KIF21B: variants seen among roughly 807,000 people sequenced by gnomAD.
KIF21B encodes the protein kinesin family member 21B.
Under a neutral mutation model 192.9 loss-of-function variants are expected in KIF21B, and 85 were observed. That is an observed-to-expected ratio of 0.44 (90% CI 0.37 to 0.53). The LOEUF (loss-of-function observed/expected upper bound fraction) is 0.53. Among genes scored for constraint, KIF21B ranks in the 20% least tolerant of loss-of-function variants. KIF21B has a pLI of 0.00. For missense variants in KIF21B, 1,716 were observed against 2,194.8 expected (o/e 0.78, Z 4.36); for synonymous variants, 832 against 884.6 (o/e 0.94, Z 1.05).
rs1184179669 is a variant in KIF21B at position 201,003,579 on chromosome 1, T to C, written c.1212+7A>G. On this transcript the variant is annotated splice_region_variant and intron_variant, in intron 8 of 34. Coordinates refer to ENST00000461742, the MANE Select transcript of KIF21B (RefSeq NM_001252102.2). ...GAGTGCTGGGCAATGCCCAGGAGCA[T>C]GCTCACCGCCTTATACTCCATCAGC... 6.2e-7 allele frequency: 1 copy of C among 1,613,214 alleles called. No homozygotes were observed. The highest frequency in any genetic ancestry group is 1.7e-5 in the Admixed American group (1 of 60,028).
rs747201044 is a variant in KIF21B, at chr1:201,008,942, C to T, written c.274G>A (p.Gly92Arg). The change falls in exon 3 of 35, where the codon GGG becomes AGG. Residue 92 changes from glycine (G) to arginine (R), a missense_variant. By Grantham distance (125) the Gly-to-Arg change is moderately radical. This residue lies in a region of KIF21B where 1,087 missense variants were observed against 1,316.6 expected (regional missense o/e 0.83). Coordinates refer to ENST00000461742, the MANE Select transcript of KIF21B (RefSeq NM_001252102.2). ...TVLAYGQTGAGKTYTMGTGFD... is the reference protein window; with the variant it reads ...TVLAYGQTGARKTYTMGTGFD... Reference sequence around the variant, plus strand: ...CCAGTGCCCATGGTGTACGTCTTCCCGGCCCCCGTCTGCATTGGCAAAGAT... The same window carrying T: ...CCAGTGCCCATGGTGTACGTCTTCCTGGCCCCCGTCTGCATTGGCAAAGAT... 1.9e-6 allele frequency: 3 copies of T among 1,608,972 alleles called. No individual in the cohort carries two copies. The highest frequency in any genetic ancestry group is 1.7e-6 in the Non-Finnish European group (2 of 1,179,362).
chr1:201,002,404 G>T (rs1005572168), intron 8 of KIF21B, 54 bp from the exon 9 acceptor site: 91 of 1,534,168 alleles, frequency 5.9e-5, no homozygotes, highest in Non-Finnish European at 1.3e-5. Context: ...CGGTTGGGGG[G>T]GTAAGGGGCT....
chr1:200,977,087 A>C, intron 31 of KIF21B, 125 bp downstream of exon 31: 1 of 1,182,960 alleles, frequency 8.5e-7, no homozygotes. Context: ...CAGGCCCAGC[A>C]GCATGGGGGG....
intron 24 of KIF21B, 30 bp from the exon 25 acceptor site, chr1:200,987,231 T>A (rs1382517673): frequency 8.2e-6 from 13 of 1,579,342 alleles, no homozygotes; most frequent in Non-Finnish European, 1.1e-5. Context: ...GTGGATCAAC[T>A]TGCCCAAATT....
At position 200,975,027 on chromosome 1, in the gene KIF21B, G is replaced by T; in HGVS notation, c.4615-114C>A. On this transcript the variant is annotated intron_variant, in intron 33 of 34. Transcript: ENST00000461742. This position sits in a 1 kb window ranked among gnomAD's most constrained non-coding sequence, Gnocchi z 4.3. The stretch of plus-strand genomic sequence containing the variant: ...CTTCCAGGCTCCCCTGGCCTCTAGA[G>T]CTGCCACACGGGCGGGTGACACTGG... 9.4e-7 allele frequency: 1 copy of T among 1,067,672 alleles called. No individual in the cohort carries two copies. Among genetic ancestry groups the T allele is most frequent in the Non-Finnish European group, 1.4e-6 (1 of 729,560 alleles). 66.1% of individuals were successfully genotyped at this position (1,067,672 alleles called of 1,614,324 possible).
intron 17 of KIF21B, 79 bp from the exon 18 acceptor site, chr1:200,991,228 C>T (rs975673999): frequency 2.6e-5 from 30 of 1,160,626 alleles, no homozygotes; most frequent in South Asian, 5.4e-5. Context: ...GTTGGGGTGC[C>T]GGGCAGCAGG....
chr1:201,005,317 C>T lies in KIF21B; in HGVS notation c.723G>A (p.Gln241=), dbSNP rs1401149309. ...CCTGCAGGCTCCTCACCAGGTCGGG[C>T]TGGGTGCACATGCGCATCTGGCACA... is the stretch of plus-strand genomic sequence containing the variant. The part of the protein sequence containing the change: ...IHLCQMRMCT[Q]PDLVNEAVTG... Residue 241 remains glutamine, a synonymous_variant, in exon 5 of 35, where the codon CAG becomes CAA. Transcript: ENST00000461742. 1 of 1,602,016 alleles carries T rather than the reference C, an allele frequency of 6.2e-7. No individual in the cohort carries two copies. The highest frequency in any genetic ancestry group is 1.7e-5 in the Admixed American group (1 of 58,984).
At chr1:201,014,689 T>A (rs975307868) in intron 1 of KIF21B, among the ~76,000 whole-genome samples, 1 of 152,192 alleles carries the variant, frequency 6.6e-6, no homozygotes, top group African/African-American at 2.4e-5. Context: ...TTGGCTCAGC[T>A]TCTTAGGTGA....
chr1:201,007,846 G>A (rs538887602), intron 3 of KIF21B, among the ~76,000 whole-genome samples: 2 of 151,602 alleles, frequency 1.3e-5, no homozygotes, highest in Non-Finnish European at 2.9e-5. Flanking sequence ...CAGACATACA[G>A]ACAGATGACA....
chr1:201,010,425 C>T (rs1658165611), intron 1 of KIF21B, among the ~76,000 whole-genome samples: 1 of 152,122 alleles, frequency 6.6e-6, no homozygotes, highest in Non-Finnish European at 1.5e-5. Flanking sequence ...CAACTATCTC[C>T]ATCCAGCCAC....
chr1:200,994,812 T>C (rs1656943975), intron 15 of KIF21B, among the ~76,000 whole-genome samples: 1 of 152,170 alleles, frequency 6.6e-6, no homozygotes, highest in South Asian at 2.1e-4. Context: ...TTGGGAGTGC[T>C]GCTCCACCCC....
chr1:201,016,606 G>A lies in KIF21B; in HGVS notation c.41+6737C>T, dbSNP rs1232184754. 3.3e-5 allele frequency among the ~76,000 whole-genome samples: 5 copies of A among 152,314 alleles called. No individual in the cohort carries two copies. In the South Asian group the frequency reaches 8.3e-4, roughly 25 times the overall value. ...CCCAGACAAAGCATCTTCCCATAGA[G>A]ACCAGTCTTCTATAAAACAGGGTGG... On this transcript the variant is annotated intron_variant, in intron 1 of 34. Transcript: ENST00000461742.
At position 201,000,665 on chromosome 1, in the gene KIF21B, A is replaced by T; in HGVS notation, c.1466+52T>A. On this transcript the variant is annotated intron_variant, in intron 10 of 34. Transcript: ENST00000461742. The surrounding 1 kb of genome is among the most constrained non-coding windows in gnomAD (Gnocchi z 6.0). ...GTGAGCTGCCACAGCCCTTGGCGTC[A>T]CCTGGCCGAGGCCCCCAGCCCGCGC... is the stretch of plus-strand genomic sequence containing the variant. 6.2e-7 allele frequency: 1 copy of T among 1,613,320 alleles called. No homozygotes were observed. Among genetic ancestry groups the T allele is most frequent in the Non-Finnish European group, 8.5e-7 (1 of 1,179,516 alleles).
chr1:201,015,941 C>T (rs906575975), intron 1 of KIF21B, among the ~76,000 whole-genome samples: 8 of 152,194 alleles, frequency 5.3e-5, no homozygotes, highest in African/African-American at 1.4e-4. Context: ...CCTTGTTCTA[C>T]GTGTTCTTCA....
chr1:200,995,752 TG>T (rs1269271801), intron 15 of KIF21B, among the ~76,000 whole-genome samples: 1 of 152,202 alleles, frequency 6.6e-6, no homozygotes, highest in Non-Finnish European at 1.5e-5. Context: ...ATCATGCGTG[TG>T]AGATGACTAG....
Position 200,971,108 on chromosome 1 carries a change from G to A in KIF21B, c.*2413C>T, listed in dbSNP as rs572438210. 6.5e-6 allele frequency: 1 copy of A among 152,950 alleles called. No individual in the cohort carries two copies. Among genetic ancestry groups the A allele is most frequent in the East Asian group, 1.9e-4 (1 of 5,326 alleles). The allele number at this position is 152,950 out of a possible 1,614,324, so 9.5% of individuals were successfully genotyped here. A position where few individuals can be genotyped will look rare whatever the true frequency, so the allele number is the denominator to read the frequency against. On this transcript the variant is annotated 3_prime_UTR_variant, in exon 35 of 35. Coordinates refer to ENST00000461742, the MANE Select transcript of KIF21B (RefSeq NM_001252102.2). ...ATTTTGTGCTTCCAACATTTAGGGT[G>A]CTTGTGCAGTGAGTGGAGCTGGGGG... is the stretch of plus-strand genomic sequence containing the variant.
rs763756658 is a variant in KIF21B at position 200,987,115 on chromosome 1, G to T, written c.3495C>A (p.Thr1165=). 1.3e-5 allele frequency: 21 copies of T among 1,613,940 alleles called. No homozygotes were observed. In the Admixed American group the frequency reaches 3.3e-4, roughly 26 times the overall value. The change falls in exon 25 of 35, where the codon ACC becomes ACA. Residue 1165 remains threonine (T), a synonymous_variant. Transcript: ENST00000461742. ...TCTCAACGAGGGAGGCCAGGGACTT[G>T]GTGATGTTCTTGGTGGAGATATCCA... ...PPLDISTKNI[T]KSLASLVEIK...
At chr1:200,992,790 A>C (rs1656790866) in intron 15 of KIF21B, among the ~76,000 whole-genome samples, 1 of 152,246 alleles carries the variant, frequency 6.6e-6, no homozygotes, top group Non-Finnish European at 1.5e-5. Context: ...AGCTGCAGAC[A>C]GGGCTGAGGT....
intron 3 of KIF21B, among the ~76,000 whole-genome samples, chr1:201,007,783 C>T (rs1017059280): frequency 1.3e-5 from 2 of 151,344 alleles, no homozygotes; most frequent in Non-Finnish European, 2.9e-5. Context: ...TACAAAGATG[C>T]GCACACAGAC....
Sources: allele counts gnomAD v4.1 joint callset (sites outside exome capture counted in the v4.1 genomes callset), GRCh38; gene constraint gnomAD v4.1.1; regional missense constraint gnomAD v4.1.1; non-coding constraint Gnocchi (gnomAD v3.1); transcripts MANE v1.5; gene names NCBI Gene and HGNC (gene_info 2026-07-23, HGNC 2026-07-21).